The following KHDRBS2 variants were observed in gnomAD, a reference collection of about 807,000 sequenced individuals.
KHDRBS2 encodes the protein KH domain-containing, RNA-binding, signal transduction-associated protein 2.
A neutral mutation model predicts 44.3 loss-of-function variants in KHDRBS2; 26 were observed. The ratio of observed to expected loss-of-function variants is 0.59; its 90% CI spans 0.43 to 0.81. KHDRBS2 has a LOEUF of 0.81. Ranked by LOEUF, KHDRBS2 falls within the 40% of genes least tolerant of loss-of-function variation. KHDRBS2 has a pLI of 0.00. For missense variants in KHDRBS2, 476 were observed against 433.1 expected (o/e 1.10, Z -0.88); for synonymous variants, 194 against 151.1 (o/e 1.28, Z -2.08).
At chr6:61,827,869 CA>C (rs1791152101) in intron 6 of KHDRBS2, among the ~76,000 whole-genome samples, 1 of 152,110 alleles carries the variant, frequency 6.6e-6, no homozygotes, top group South Asian at 2.1e-4. Context: ...AGTTATCTTC[CA>C]AAGGCCTTAT....
intron 7 of KHDRBS2, among the ~76,000 whole-genome samples, chr6:61,732,458 A>T (rs1472480862): frequency 6.6e-6 from 1 of 152,158 alleles, no homozygotes; most frequent in African/African-American, 2.4e-5. Context: ...GGTTGCCATA[A>T]TCATCTAGTC....
the KHDRBS2 span, among the ~76,000 whole-genome samples, chr6:61,603,314 C>T: frequency 6.6e-6 from 1 of 152,138 alleles, no homozygotes; most frequent in Non-Finnish European, 1.5e-5. Flanking sequence ...ACCCTCAATA[C>T]CTCCCTCCAC....
chr6:61,921,183 G>T (rs1807998301), intron 4 of KHDRBS2, among the ~76,000 whole-genome samples: 1 of 151,814 alleles, frequency 6.6e-6, no homozygotes, highest in African/African-American at 2.4e-5. Context: ...ATATCCTTGG[G>T]CAATGAGCCA....
intron 1 of KHDRBS2, among the ~76,000 whole-genome samples, chr6:62,232,135 T>C (rs957054432): frequency 6.6e-6 from 1 of 152,130 alleles, no homozygotes; most frequent in African/African-American, 2.4e-5. Flanking sequence ...GGAGAGACCT[T>C]TTTGCTTCTT....
At chr6:61,892,597 A>G (rs896083990) in intron 6 of KHDRBS2, among the ~76,000 whole-genome samples, 1 of 152,160 alleles carries the variant, frequency 6.6e-6, no homozygotes, top group African/African-American at 2.4e-5. Flanking sequence ...AAATAATGCC[A>G]CATATCTACA....
chr6:61,870,977 G>T (rs1169019838), intron 6 of KHDRBS2, among the ~76,000 whole-genome samples: 2 of 152,140 alleles, frequency 1.3e-5, no homozygotes, highest in African/African-American at 4.8e-5. Context: ...CTTCTCTCCA[G>T]CAAGGGAACA....
chr6:61,579,838 G>A, the KHDRBS2 span, among the ~76,000 whole-genome samples: 13 of 105,386 alleles, frequency 1.2e-4, no homozygotes, highest in African/African-American at 2.0e-4. Flanking sequence ...TGGGTGGATC[G>A]CCTGAGGTTG....
intron 3 of KHDRBS2, among the ~76,000 whole-genome samples, chr6:62,042,824 A>C (rs1273894561): frequency 6.6e-6 from 1 of 152,160 alleles, no homozygotes; most frequent in East Asian, 1.9e-4. Flanking sequence ...TGCATCAAAG[A>C]CAGAAAAGCT....
chr6:61,721,006 G>C (rs1772396887), intron 7 of KHDRBS2, among the ~76,000 whole-genome samples: 1 of 151,142 alleles, frequency 6.6e-6, no homozygotes, highest in African/African-American at 2.4e-5. Flanking sequence ...TGGCTAGCCA[G>C]TTTTCCCAGC....
chr6:62,067,220 A>T (rs1055435486), intron 2 of KHDRBS2, among the ~76,000 whole-genome samples: 1 of 151,540 alleles, frequency 6.6e-6, no homozygotes, highest in African/African-American at 2.4e-5. Context: ...TCTGTTAGAA[A>T]ACTAAACAGG....
intron 3 of KHDRBS2, among the ~76,000 whole-genome samples, chr6:62,026,893 T>C (rs1415556366): frequency 6.6e-6 from 1 of 152,170 alleles, no homozygotes; most frequent in Non-Finnish European, 1.5e-5. Flanking sequence ...TTTATTAGTG[T>C]GTCTAATACT....
chr6:61,932,651 T>G (rs1349996292), intron 4 of KHDRBS2, among the ~76,000 whole-genome samples: 1 of 151,952 alleles, frequency 6.6e-6, no homozygotes, highest in East Asian at 1.9e-4. Flanking sequence ...TACAAAAAAA[T>G]TAGCCGGGCG....
At chr6:61,924,493 ACTT>A (rs148803461) in intron 4 of KHDRBS2, among the ~76,000 whole-genome samples, 10,223 of 152,092 alleles carry the variant, frequency 0.067, 405 homozygotes, top group Middle Eastern at 0.13. Flanking sequence ...AATTTTAGTT[ACTT>A]CTTTTTATCA....
At chr6:61,549,303 C>T in the KHDRBS2 span, among the ~76,000 whole-genome samples, 1 of 152,126 alleles carries the variant, frequency 6.6e-6, no homozygotes, top group Admixed American at 6.6e-5. Context: ...GGTACTGTTT[C>T]AAACACATTT....
chr6:61,627,752 A>G, the KHDRBS2 span, among the ~76,000 whole-genome samples: 1 of 152,276 alleles, frequency 6.6e-6, no homozygotes, highest in African/African-American at 2.4e-5. Context: ...ATCTTGCCCT[A>G]TGCATTTCTT....
intron 6 of KHDRBS2, among the ~76,000 whole-genome samples, chr6:61,868,749 G>T (rs1434718534): frequency 2.0e-5 from 3 of 152,166 alleles, no homozygotes; most frequent in Non-Finnish European, 4.4e-5. Flanking sequence ...AAGGAGTTGG[G>T]TCCAGTCTCA....
chr6:61,855,830 T>C lies in KHDRBS2; in HGVS notation c.810+38805A>G, dbSNP rs139008747. 9.1e-3 allele frequency among the ~76,000 whole-genome samples: 1,378 copies of C among 152,142 alleles called. 23 individuals carry two copies. The highest frequency in any genetic ancestry group is 0.031 in the African/African-American group (1,293 of 41,516). ...AACATGGTTCCTTAGGGAGTGAGAATGAGCTCCTCTTTCCCAAATAGTAGC... is the reference window on the plus strand; with the variant it reads ...AACATGGTTCCTTAGGGAGTGAGAACGAGCTCCTCTTTCCCAAATAGTAGC... On this transcript the variant is annotated intron_variant, in intron 6 of 8. Transcript: ENST00000281156.
chr6:62,285,110 T>C (rs1251470708), intron 1 of KHDRBS2, among the ~76,000 whole-genome samples: 1 of 152,116 alleles, frequency 6.6e-6, no homozygotes, highest in East Asian at 1.9e-4. Context: ...ATAAAGTTCA[T>C]GTGTCTTTTT....
At chr6:62,130,503 G>A (rs946121620) in intron 2 of KHDRBS2, among the ~76,000 whole-genome samples, 10 of 151,760 alleles carry the variant, frequency 6.6e-5, no homozygotes, top group African/African-American at 1.9e-4. Flanking sequence ...TAACTAATAG[G>A]GAAGATAACA....
Sources: allele counts gnomAD v4.1 joint callset (sites outside exome capture counted in the v4.1 genomes callset), GRCh38; gene constraint gnomAD v4.1.1; transcripts MANE v1.5; gene names NCBI Gene and HGNC (gene_info 2026-07-23, HGNC 2026-07-21).